Variants in SMYD3 observed in about 807,000 individuals in gnomAD.
SMYD3 encodes histone-lysine N-methyltransferase SMYD3.
In SMYD3, 36 loss-of-function variants were observed where a neutral mutation model predicts 57.7. That is an observed-to-expected ratio of 0.62 (90% CI 0.48 to 0.82). The LOEUF is 0.82. Among genes scored for constraint, SMYD3 ranks in the 40% least tolerant of loss-of-function variants. The pLI, the probability that SMYD3 is intolerant of heterozygous loss-of-function variation, is 0.00. For missense variants in SMYD3, 515 were observed against 538.8 expected, an observed-to-expected ratio of 0.96 and a Z score of 0.44; for synonymous variants, 211 against 195.0, an observed-to-expected ratio of 1.08 and a Z score of -0.68.
At chr1:245,856,008 G>A (rs568933721) in intron 10 of SMYD3, among the ~76,000 whole-genome samples, 74 of 152,318 alleles carry the variant, frequency 4.9e-4, no homozygotes, top group Non-Finnish European at 8.1e-4. Flanking sequence ...CACCTCCTGC[G>A]TCTGCAGGGA....
chr1:245,752,088 G>A (rs913296846), intron 11 of SMYD3, among the ~76,000 whole-genome samples: 8 of 152,202 alleles, frequency 5.3e-5, no homozygotes, highest in Non-Finnish European at 7.3e-5. Flanking sequence ...GCACGATTGC[G>A]GAAAGAGAAG....
chr1:246,102,553 C>T (rs1406341983), intron 5 of SMYD3, among the ~76,000 whole-genome samples: 2 of 152,048 alleles, frequency 1.3e-5, no homozygotes, highest in Non-Finnish European at 2.9e-5. Context: ...TCCTCTAAAC[C>T]CTACAGTCCC....
intron 5 of SMYD3, among the ~76,000 whole-genome samples, chr1:246,029,445 G>C (rs556844015): frequency 2.6e-4 from 40 of 152,206 alleles, no homozygotes; most frequent in African/African-American, 8.4e-4. Context: ...ACAGAGGCGG[G>C]CAGATCACCT....
chr1:246,145,364 CAAT>C (rs1468500851), intron 5 of SMYD3, among the ~76,000 whole-genome samples: 3 of 152,112 alleles, frequency 2.0e-5, no homozygotes, highest in African/African-American at 7.2e-5. Flanking sequence ...TTTATTCTCC[CAAT>C]TATTACATAT....
intron 8 of SMYD3, among the ~76,000 whole-genome samples, chr1:245,902,068 T>C (rs2054223281): frequency 6.6e-6 from 1 of 152,114 alleles, no homozygotes; most frequent in African/African-American, 2.4e-5. Context: ...TATCCTGCCC[T>C]GGACCCCAGA....
chr1:246,411,667 C>A (rs1185878745), intron 1 of SMYD3, among the ~76,000 whole-genome samples: 1 of 151,992 alleles, frequency 6.6e-6, no homozygotes, highest in Non-Finnish European at 1.5e-5. Context: ...GAGTTCATGC[C>A]CTTTGTAGGG....
chr1:245,750,881 C>T (rs550317204), intron 11 of SMYD3, among the ~76,000 whole-genome samples: 40 of 152,268 alleles, frequency 2.6e-4, no homozygotes, highest in African/African-American at 8.4e-4. Flanking sequence ...GCCTTAGCTA[C>T]ACAGCAGGAT....
chr1:246,320,664 T>C (rs891400026), intron 5 of SMYD3, among the ~76,000 whole-genome samples: 21 of 152,286 alleles, frequency 1.4e-4, no homozygotes, highest in African/African-American at 5.1e-4. Context: ...AAATAAATTT[T>C]TAGAAAAGAA....
intron 5 of SMYD3, among the ~76,000 whole-genome samples, chr1:245,945,975 G>C (rs192153512): frequency 6.6e-6 from 1 of 152,110 alleles, no homozygotes; most frequent in Non-Finnish European, 1.5e-5. Context: ...ATTGAGGGGC[G>C]GAAGAACATC....
intron 1 of SMYD3, among the ~76,000 whole-genome samples, chr1:246,395,884 C>T (rs772076675): frequency 1.8e-4 from 28 of 152,132 alleles, no homozygotes; most frequent in Admixed American, 1.7e-3. Flanking sequence ...TCTGCCACCA[C>T]CTAGTGAATA....
chr1:246,433,570 A>G (rs1282802646), intron 1 of SMYD3, among the ~76,000 whole-genome samples: 3 of 152,182 alleles, frequency 2.0e-5, no homozygotes, highest in Non-Finnish European at 2.9e-5. Context: ...TTGAGGCGGG[A>G]GAATTGCTTG....
At position 246,191,444 on chromosome 1, in the gene SMYD3, A is replaced by G. The variant is rs142940530; in HGVS notation, c.531+135757T>C. 3.6e-3 allele frequency among the ~76,000 whole-genome samples: 551 copies of G among 152,338 alleles called. 4 individuals carry two copies. Among genetic ancestry groups the G allele is most frequent in the South Asian group, 0.024 (117 of 4,822 alleles). ...TAAGGTTTTGTTTCTTCAGAAAGAC[A>G]CTGCATTTTTAGAACATCTCTAGGC... On this transcript the variant is annotated intron_variant, in intron 5 of 11. Transcript: ENST00000490107.
chr1:245,874,989 A>T (rs1426671926), intron 8 of SMYD3, among the ~76,000 whole-genome samples: 2 of 152,212 alleles, frequency 1.3e-5, no homozygotes, highest in Non-Finnish European at 2.9e-5. Flanking sequence ...GACAGACTAC[A>T]CAAAATCACC....
At chr1:246,185,712 G>A (rs1414890072) in intron 5 of SMYD3, among the ~76,000 whole-genome samples, 4 of 152,052 alleles carry the variant, frequency 2.6e-5, no homozygotes, top group Non-Finnish European at 1.5e-5. Context: ...CACCCGCCTC[G>A]GCCTCCCAAA....
intron 5 of SMYD3, among the ~76,000 whole-genome samples, chr1:246,229,465 T>TATAGAAGGATAAAGTTTACA (rs1279949448): frequency 2.0e-5 from 3 of 151,836 alleles, no homozygotes; most frequent in Non-Finnish European, 4.4e-5. Context: ...CAACTCTCTT[T>TATAGAAGGATAAAGTTTACA]ATAGAAGGAT....
At chr1:245,758,309 T>C (rs2045695330) in intron 11 of SMYD3, among the ~76,000 whole-genome samples, 1 of 152,200 alleles carries the variant, frequency 6.6e-6, no homozygotes, top group Non-Finnish European at 1.5e-5. Flanking sequence ...TCTTCAGAGC[T>C]TTCTCCATAT....
rs568481055 is a variant in SMYD3, at chr1:246,128,628, A to G, written c.531+198573T>C. 7.2e-5 allele frequency among the ~76,000 whole-genome samples: 11 copies of G among 152,344 alleles called. 1 individual carries two copies. The highest frequency in any genetic ancestry group is 2.6e-4 in the African/African-American group (11 of 41,576). On this transcript the variant is annotated intron_variant, in intron 5 of 11. Coordinates refer to ENST00000490107, the MANE Select transcript of SMYD3 (RefSeq NM_001167740.2). ...AACAGCTGTTCTACATGGTACAGCC[A>G]GTGAGCAGTGGGGCTGGCCCTCAAG...
chr1:246,284,181 C>A (rs2064508985), intron 5 of SMYD3, among the ~76,000 whole-genome samples: 1 of 152,164 alleles, frequency 6.6e-6, no homozygotes, highest in Admixed American at 6.5e-5. Context: ...GCTACTTGAG[C>A]AGTTAGATTA....
chr1:246,060,115 T>A (rs1264915006), intron 5 of SMYD3, among the ~76,000 whole-genome samples: 1 of 151,732 alleles, frequency 6.6e-6, no homozygotes, highest in Non-Finnish European at 1.5e-5. Flanking sequence ...TTACAAGACC[T>A]TGTCTCTACT....
Sources: allele counts gnomAD v4.1 joint callset (sites outside exome capture counted in the v4.1 genomes callset), GRCh38; gene constraint gnomAD v4.1.1; transcripts MANE v1.5; gene names NCBI Gene and HGNC (gene_info 2026-07-23, HGNC 2026-07-21).